The following MUC5B variants were observed in gnomAD, a reference collection of about 807,000 sequenced individuals.
MUC5B encodes mucin-5B.
In MUC5B, 116 loss-of-function variants were observed where a neutral mutation model predicts 376.9. That is an observed-to-expected ratio of 0.31 (90% confidence interval 0.26 to 0.36). MUC5B has a LOEUF of 0.36. MUC5B is among the 10% of genes least tolerant of loss of function. MUC5B has a pLI of 1.00. For missense variants in MUC5B, 7,165 were observed against 7,769.9 expected, an observed-to-expected ratio of 0.92 and a Z score of 2.93; for synonymous variants, 3,517 against 3,390.9, an observed-to-expected ratio of 1.04 and a Z score of -1.29.
At position 1,257,541 on chromosome 11, in the gene MUC5B, G is replaced by A; in HGVS notation, c.16281G>A (p.Arg5427=). 6.2e-7 allele frequency: 1 copy of A among 1,608,454 alleles called. No individual in the cohort carries two copies. Among genetic ancestry groups the A allele is most frequent in the Non-Finnish European group, 8.5e-7 (1 of 1,179,578 alleles). The change falls in exon 41 of 49, where the codon CGG becomes CGA. Residue 5427 remains arginine (R), a synonymous_variant. Coordinates refer to ENST00000529681, the MANE Select transcript of MUC5B (RefSeq NM_002458.3). This position sits in a 1 kb window ranked among gnomAD's most constrained non-coding sequence, Gnocchi z 8.9. ...PDGFPKFPGE[R]WVSNCQSCVC... ...TTGATCCATTCCAGCCCGGGGAGCG[G>A]TGGGTCAGCAACTGCCAGTCCTGCG...
Position 1,257,789 on chromosome 11 carries a change from G to T in MUC5B, c.16450+79G>T. 6.9e-7 allele frequency: 1 copy of T among 1,455,294 alleles called. No individual in the cohort carries two copies. The highest frequency in any genetic ancestry group is 1.3e-5 in the South Asian group (1 of 74,832). The allele number at this position is 1,455,294 out of a possible 1,614,324, so 90.1% of individuals were successfully genotyped here. On this transcript the variant is annotated intron_variant, in intron 41 of 48. Coordinates refer to ENST00000529681, the MANE Select transcript of MUC5B (RefSeq NM_002458.3). This position sits in a 1 kb window ranked among gnomAD's most constrained non-coding sequence, Gnocchi z 8.9. ...GGTGCCCACCAGGGGCCTGTGGGTT[G>T]GGCACAGGAGAGCAGAGGAGAGCCA...
At position 1,256,101 on chromosome 11, in the gene MUC5B, C is replaced by T. The variant is rs958277263; in HGVS notation, c.16067-55C>T. 2.2e-4 allele frequency: 153 copies of T among 702,210 alleles called. 2 individuals carry two copies. The highest frequency in any genetic ancestry group is 3.3e-4 in the Non-Finnish European group (124 of 378,144). The allele number at this position is 702,210 out of a possible 1,614,324, so 43.5% of individuals were successfully genotyped here. On this transcript the variant is annotated intron_variant, in intron 37 of 48. Transcript: ENST00000529681. Reference sequence around the variant, plus strand: ...GAGTGTCCTGTGCGGTGATTGGGGGCGGCCCTGGGCCCCCCCAACCCCTTG... The same window carrying T: ...GAGTGTCCTGTGCGGTGATTGGGGGTGGCCCTGGGCCCCCCCAACCCCTTG...
rs377736056 is a variant in MUC5B, at chr11:1,241,986, G to A, written c.5106G>A (p.Thr1702=). The A allele has an allele frequency of 5.2e-5, 83 of 1,593,096 alleles. No individual in the cohort carries two copies. The highest frequency in any genetic ancestry group is 6.7e-5 in the African/African-American group (5 of 74,276). The change falls in exon 31 of 49, where the codon ACG becomes ACA. Residue 1702 remains threonine (T), a synonymous_variant. Coordinates refer to ENST00000529681, the MANE Select transcript of MUC5B (RefSeq NM_002458.3). Reference sequence around the variant, plus strand: ...CAACACGCTCAGCCCTTCCAGGGACGACGGGGAGCTTGGGCACATGGCGCC... The same window carrying A: ...CAACACGCTCAGCCCTTCCAGGGACAACGGGGAGCTTGGGCACATGGCGCC... The part of the protein sequence containing the change: ...TLPTRSALPG[T]TGSLGTWRPS...
In MUC5B at chr11:1,248,548, T is replaced by C; in HGVS notation, c.11668T>C (p.Trp3890Arg). 6.2e-7 allele frequency: 1 copy of C among 1,612,480 alleles called. No individual in the cohort carries two copies. The change falls in exon 31 of 49, where the codon TGG becomes CGG. Residue 3890 changes from tryptophan to arginine, a missense_variant. Trp to Arg is a moderately radical substitution (Grantham distance 101). Transcript: ENST00000529681. ...AGGGACGGCACGCACGCCTCCAGTG[T>C]GGATCAGCACAACCACCACACCCAC... ...SPGTARTPPV[W>R]ISTTTTPTTS...
chr11:1,250,886 C>A lies in MUC5B; in HGVS notation c.14006C>A (p.Ser4669Tyr), dbSNP rs900275046. The change falls in exon 31 of 49, where the codon TCT (serine) becomes TAT (tyrosine). Residue 4669 changes from serine (S) to tyrosine (Y), a missense_variant. By Grantham distance (144) the Ser-to-Tyr change is moderately radical. This residue lies in a region of MUC5B where 730 missense variants were observed against 592.7 expected (regional missense o/e 1.23). Transcript: ENST00000529681. ...VATGSMATPS[S>Y]STQTSGTPPS... ...ACTGGTTCTATGGCAACACCCTCCT[C>A]TAGCACACAGACCAGTGGTACTCCC... 6.3e-7 allele frequency: 1 copy of A among 1,589,946 alleles called. No individual in the cohort carries two copies. Among genetic ancestry groups the A allele is most frequent in the Non-Finnish European group, 8.6e-7 (1 of 1,168,212 alleles).
Position 1,233,095 on chromosome 11 carries a change from T to G in MUC5B, c.2148T>G (p.Ser716Arg), listed in dbSNP as rs1295881851. Residue 716 changes from serine (S) to arginine (R), a missense_variant, in exon 18 of 49, where the codon AGT becomes AGG. By Grantham distance (110) the Ser-to-Arg change is moderately radical (BLOSUM62 -1). This residue lies in a region of MUC5B where 530 missense variants were observed against 604.0 expected (regional missense o/e 0.88). Coordinates refer to ENST00000529681, the MANE Select transcript of MUC5B (RefSeq NM_002458.3). Reference sequence around the variant, plus strand: ...GCCAGCCCACTTGCCGCGGCCTGAGTGAGGCCGACGTCACCTGCAGCGTTT... The same window carrying G: ...GCCAGCCCACTTGCCGCGGCCTGAGGGAGGCCGACGTCACCTGCAGCGTTT... Reference protein sequence around the residue: ...DACQPTCRGLSEADVTCSVSF... With the variant: ...DACQPTCRGLREADVTCSVSF... 3 of 1,607,628 alleles carry G rather than the reference T, an allele frequency of 1.9e-6. No homozygotes were observed. Among genetic ancestry groups the G allele is most frequent in the South Asian group, 2.2e-5 (2 of 90,888 alleles).
rs748165680 is a variant in MUC5B, at chr11:1,249,119, C to A, written c.12239C>A (p.Pro4080His). Residue 4080 changes from proline to histidine, a missense_variant, in exon 31 of 49, where the codon CCT becomes CAT. By Grantham distance (77) the Pro-to-His change is moderately conservative. Coordinates refer to ENST00000529681, the MANE Select transcript of MUC5B (RefSeq NM_002458.3). The part of the protein sequence containing the change: ...HPSSRTTESP[P>H]SPGTTTPGHT... Reference sequence around the variant, plus strand: ...AGCAGCAGGACCACCGAGTCACCCCCTTCCCCAGGGACGACCACCCCGGGC... The same window carrying A: ...AGCAGCAGGACCACCGAGTCACCCCATTCCCCAGGGACGACCACCCCGGGC... 4 of 1,611,274 alleles carry A rather than the reference C, an allele frequency of 2.5e-6. No individual in the cohort carries two copies. In the African/African-American group the frequency reaches 4.0e-5, roughly 16 times the overall value.
chr11:1,225,112 GC>G (rs975565407), intron 1 of MUC5B, among the ~76,000 whole-genome samples: 1 of 152,198 alleles, frequency 6.6e-6, no homozygotes, highest in African/African-American at 2.4e-5. Context: ...CACAGCTTGC[GC>G]GGCCCAGAGT....
At chr11:1,224,623 C>T (rs955392160) in intron 1 of MUC5B, among the ~76,000 whole-genome samples, 31 of 150,054 alleles carry the variant, frequency 2.1e-4, no homozygotes, top group African/African-American at 6.9e-4. Flanking sequence ...GGAGCCGGGG[C>T]GTGGGAGTGG....
In MUC5B at chr11:1,254,104, T is replaced by G. The variant is rs769264271; in HGVS notation, c.15230T>G (p.Met5077Arg). 62 of 1,612,032 alleles carry G rather than the reference T, an allele frequency of 3.8e-5. No homozygotes were observed. The South Asian group carries it at 6.3e-4, about 16-fold the overall frequency. The change falls in exon 34 of 49, where the codon ATG becomes AGG. Residue 5077 changes from methionine (M) to arginine (R), a missense_variant. By Grantham distance (91) the Met-to-Arg change is moderately conservative. This residue lies in a region of MUC5B where 842 missense variants were observed against 1,016.9 expected (regional missense o/e 0.83). Transcript: ENST00000529681. ...CTCTGTCCCGCAGGCATCTGCAGCA[T>G]GTGGGGCGGCTCCCACTATTCCACC... ...FHYECECICSMWGGSHYSTFD... is the reference protein window; with the variant it reads ...FHYECECICSRWGGSHYSTFD...
At chr11:1,239,760 G>A (rs934372659) in intron 27 of MUC5B, 39 bp from the exon 28 acceptor site, 1 of 1,584,656 alleles carries the variant, frequency 6.3e-7, no homozygotes, top group Non-Finnish European at 8.6e-7. Context: ...AGAGACTAAA[G>A]GGCCCTGGTG....
chr11:1,232,178 C>T lies in MUC5B; in HGVS notation c.1843+18C>T, dbSNP rs1862043076. The T allele has an allele frequency of 1.3e-6, 2 of 1,570,326 alleles. No individual in the cohort carries two copies. Among genetic ancestry groups the T allele is most frequent in the Non-Finnish European group, 1.7e-6 (2 of 1,156,192 alleles). On this transcript the variant is annotated intron_variant, in intron 15 of 48. Coordinates refer to ENST00000529681, the MANE Select transcript of MUC5B (RefSeq NM_002458.3). ...GGAGAATGGTACTCCTCGCCCCCAC[C>T]CCCACAGTCACCCCAGGCTCAAGTC...
chr11:1,223,367 G>T, intron 1 of MUC5B, 174 bp downstream of exon 1: 1 of 688,628 alleles, frequency 1.5e-6, no homozygotes, highest in South Asian at 1.5e-5. Flanking sequence ...GGGCCCCACG[G>T]GCTCACAGTG....
In MUC5B at chr11:1,248,719, C is replaced by A; in HGVS notation, c.11839C>A (p.Leu3947Met). The change falls in exon 31 of 49, where the codon CTG becomes ATG. Residue 3947 changes from leucine to methionine, a missense_variant. Coordinates refer to ENST00000529681, the MANE Select transcript of MUC5B (RefSeq NM_002458.3). ...ACAGACCAGTGGTACTCCCCCATCACTGATCACCACGGCCACTACGATCAC... is the reference window on the plus strand; with the variant it reads ...ACAGACCAGTGGTACTCCCCCATCAATGATCACCACGGCCACTACGATCAC... ...STQTSGTPPS[L>M]ITTATTITAT... The A allele has an allele frequency of 6.4e-7, 1 of 1,567,962 alleles. No individual in the cohort carries two copies. Among genetic ancestry groups the A allele is most frequent in the Non-Finnish European group, 8.6e-7 (1 of 1,156,962 alleles).
At position 1,254,288 on chromosome 11, in the gene MUC5B, C is replaced by A; in HGVS notation, c.15414C>A (p.Ile5138=). The A allele has an allele frequency of 2.5e-6, 4 of 1,610,756 alleles. No individual in the cohort carries two copies. Among genetic ancestry groups the A allele is most frequent in the Non-Finnish European group, 3.4e-6 (4 of 1,179,856 alleles). ...AAARCPRALS[I]HYKSMDIVLT... ...CCCGCTGCCCCCGCGCCCTCAGCAT[C>A]CACTACAAGTCCATGGATATCGTCC... Residue 5138 remains isoleucine, a synonymous_variant, in exon 34 of 49, where the codon ATC becomes ATA. Transcript: ENST00000529681.
At position 1,258,487 on chromosome 11, in the gene MUC5B, C is replaced by A; in HGVS notation, c.16593+120C>A. The A allele has an allele frequency of 1.6e-6, 2 of 1,218,052 alleles. No homozygotes were observed. The highest frequency in any genetic ancestry group is 2.3e-6 in the Non-Finnish European group (2 of 874,036). The allele number at this position is 1,218,052 out of a possible 1,614,324, so 75.5% of individuals were successfully genotyped here. ...TTCCTGCCCTGAGGGCCGATCCGCA[C>A]AGGGGCCCTGGACACGTCAGAGCTG... On this transcript the variant is annotated intron_variant, in intron 43 of 48. Transcript: ENST00000529681. This position sits in a 1 kb window ranked among gnomAD's most constrained non-coding sequence, Gnocchi z 5.5.
At position 1,224,210 on chromosome 11, in the gene MUC5B, C is replaced by G. The variant is rs576117276; in HGVS notation, c.70+1017C>G. 3.3e-3 allele frequency among the ~76,000 whole-genome samples: 505 copies of G among 152,336 alleles called. 2 individuals are homozygous for G. The highest frequency in any genetic ancestry group is 0.011 in the African/African-American group (476 of 41,576). On this transcript the variant is annotated intron_variant, in intron 1 of 48. Transcript: ENST00000529681. ...CTCAGCCCACCCGTCCTCCTGTCCT[C>G]CACGCACGTCCAAGTTGGGGAGATC...
chr11:1,244,782 C>G lies in MUC5B; in HGVS notation c.7902C>G (p.Ile2634Met). The change falls in exon 31 of 49, where the codon ATC (isoleucine) becomes ATG (methionine). Residue 2634 changes from isoleucine (I) to methionine (M), a missense_variant. Physicochemically the swap from Ile to Met is conservative, Grantham distance 10. Transcript: ENST00000529681. ...CGGCACGCACGCTTCCAGTGTGGAT[C>G]AGCACAACCACCACACCCACAACCA... The part of the protein sequence containing the change: ...PGTARTLPVW[I>M]STTTTPTTRG... 1.2e-6 allele frequency: 2 copies of G among 1,612,330 alleles called. No homozygotes were observed. Among genetic ancestry groups the G allele is most frequent in the Non-Finnish European group, 1.7e-6 (2 of 1,178,948 alleles).
rs946974153 is a variant in MUC5B at position 1,261,519 on chromosome 11, G to A, written c.17200G>A (p.Glu5734Lys). ...AILHTYTHVD[E>K]CGCTPFCVPA... Reference sequence around the variant, plus strand: ...CCTGCACACCTACACCCACGTGGATGAGTGTGGCTGCACGCCCTTCTGTGT... The same window carrying A: ...CCTGCACACCTACACCCACGTGGATAAGTGTGGCTGCACGCCCTTCTGTGT... The change falls in exon 49 of 49, where the codon GAG becomes AAG. Residue 5734 changes from glutamate to lysine, a missense_variant. By Grantham distance (56) the Glu-to-Lys change is moderately conservative. This residue lies in a region of MUC5B where 842 missense variants were observed against 1,016.9 expected (regional missense o/e 0.83). Transcript: ENST00000529681. 1.9e-6 allele frequency: 3 copies of A among 1,606,328 alleles called. No individual in the cohort carries two copies. The highest frequency in any genetic ancestry group is 1.3e-5 in the African/African-American group (1 of 74,834).
Sources: allele counts gnomAD v4.1 joint callset (sites outside exome capture counted in the v4.1 genomes callset), GRCh38; gene constraint gnomAD v4.1.1; regional missense constraint gnomAD v4.1.1; non-coding constraint Gnocchi (gnomAD v3.1); transcripts MANE v1.5; gene names NCBI Gene and HGNC (gene_info 2026-07-23, HGNC 2026-07-21).